R3HDM2: variants seen among roughly 807,000 people sequenced by gnomAD.
The protein encoded by R3HDM2 is R3H domain containing 2.
Under a neutral mutation model 124.5 loss-of-function variants are expected in R3HDM2, and 38 were observed. The observed-to-expected ratio is 0.31, with a 90% CI of 0.24 to 0.40. R3HDM2 has a LOEUF of 0.40. Among genes scored for constraint, R3HDM2 ranks in the 10% least tolerant of loss-of-function variants. The pLI, the probability that R3HDM2 is intolerant of heterozygous loss-of-function variation, is 1.00. For synonymous variants in R3HDM2, 391 were observed against 448.0 expected, an observed-to-expected ratio of 0.87 and a Z score of 1.61; for missense variants, 869 against 1,236.9, an observed-to-expected ratio of 0.70 and a Z score of 4.46.
chr12:57,317,981 GCC>G (rs371720792), intron 2 of R3HDM2, among the ~76,000 whole-genome samples: 51,694 of 127,300 alleles, frequency 0.41, 10,898 homozygotes, highest in Middle Eastern at 0.75. Flanking sequence ...CTCCGTCCCC[GCC>G]CCCCCAAAAA....
At chr12:57,353,519 G>A (rs535881335) in intron 2 of R3HDM2, among the ~76,000 whole-genome samples, 130 of 152,228 alleles carry the variant, frequency 8.5e-4, no homozygotes, top group African/African-American at 3.1e-3. Flanking sequence ...CCATTGAATA[G>A]ATAAAGCATA....
intron 19 of R3HDM2, among the ~76,000 whole-genome samples, chr12:57,265,016 C>T (rs909915467): frequency 1.3e-5 from 2 of 152,010 alleles, no homozygotes; most frequent in Non-Finnish European, 2.9e-5. Context: ...GCTGTACTTG[C>T]GTGTTAGGGG....
intron 21 of R3HDM2, among the ~76,000 whole-genome samples, chr12:57,257,256 T>C (rs1046892409): frequency 2.0e-5 from 3 of 152,216 alleles, no homozygotes; most frequent in African/African-American, 7.2e-5. Flanking sequence ...ATAGTGGCTC[T>C]GTTACTGGAA....
chr12:57,399,764 T>A lies in R3HDM2; in HGVS notation c.-105-3946A>T, dbSNP rs536921123. Among the ~76,000 whole-genome samples, 27 of 152,332 alleles carry A rather than the reference T, an allele frequency of 1.8e-4. No homozygotes were observed. The East Asian group carries it at 2.7e-3, about 15-fold the overall frequency. On this transcript the variant is annotated intron_variant, in intron 1 of 23. Coordinates refer to ENST00000402412, the MANE Select transcript of R3HDM2 (RefSeq NM_001394031.1). ...CATGCCACTTCTAATGGTGTCATTA[T>A]ACTAAAAGTGACCTTCCCCCCTGAA...
At chr12:57,355,587 T>C (rs535959295) in intron 2 of R3HDM2, among the ~76,000 whole-genome samples, 9 of 152,180 alleles carry the variant, frequency 5.9e-5, no homozygotes, top group Non-Finnish European at 1.2e-4. Context: ...ACCATTTTAA[T>C]TAATGAACTT....
intron 1 of R3HDM2, 190 bp downstream of exon 1, chr12:57,430,530 C>T (rs1260269260): frequency 1.0e-6 from 1 of 983,174 alleles, no homozygotes; most frequent in African/African-American, 1.8e-5. Flanking sequence ...CCCAGCTTCT[C>T]TCCAGCAGCG....
At chr12:57,337,022 G>C (rs564984668) in intron 2 of R3HDM2, among the ~76,000 whole-genome samples, 1 of 152,222 alleles carries the variant, frequency 6.6e-6, no homozygotes, top group South Asian at 2.1e-4. Flanking sequence ...AGTTCCAAGG[G>C]ACCCACACAG....
intron 2 of R3HDM2, among the ~76,000 whole-genome samples, chr12:57,371,429 A>G (rs1214278406): frequency 6.6e-6 from 1 of 152,196 alleles, no homozygotes; most frequent in Non-Finnish European, 1.5e-5. Flanking sequence ...ATCATTCAAG[A>G]TAACTGCCTT....
At chr12:57,302,332 C>T (rs535872851) in intron 4 of R3HDM2, among the ~76,000 whole-genome samples, 1 of 151,966 alleles carries the variant, frequency 6.6e-6, no homozygotes, top group African/African-American at 2.4e-5. Context: ...GCCTGTAATC[C>T]TAGCACTTTG....
chr12:57,369,368 G>A (rs1353470883), intron 2 of R3HDM2, among the ~76,000 whole-genome samples: 1 of 152,190 alleles, frequency 6.6e-6, no homozygotes, highest in Non-Finnish European at 1.5e-5. Flanking sequence ...GTAAACTGAT[G>A]CGAACTCAAT....
At chr12:57,363,271 T>C (rs1334255046) in intron 2 of R3HDM2, among the ~76,000 whole-genome samples, 1 of 152,136 alleles carries the variant, frequency 6.6e-6, no homozygotes, top group Non-Finnish European at 1.5e-5. Flanking sequence ...CTTTTTATTG[T>C]GACATAATTC....
chr12:57,277,793 G>A (rs1286884488), intron 14 of R3HDM2, among the ~76,000 whole-genome samples: 1 of 152,208 alleles, frequency 6.6e-6, no homozygotes, highest in Non-Finnish European at 1.5e-5. Context: ...AAGCACAGTG[G>A]TGTTTGTGTG....
intron 9 of R3HDM2, 52 bp from the exon 10 acceptor site, chr12:57,295,559 T>C: frequency 1.5e-6 from 2 of 1,314,608 alleles, no homozygotes; most frequent in South Asian, 2.5e-5. Context: ...ACCGTTTTGT[T>C]AGGAAGCAGA....
Position 57,283,838 on chromosome 12 carries a change from C to G in R3HDM2, c.1157G>C (p.Arg386Thr). ...IGSSKGGSAGRISRPGMALGA... is the reference protein window; with the variant it reads ...IGSSKGGSAGTISRPGMALGA... ...AGCTGTAATACCTGGCCTGGAGATC[C>G]TTCCCGCACTGCCGCCTTTACTGCT... The change falls in exon 13 of 24, where the codon AGG becomes ACG. Residue 386 changes from arginine to threonine, a missense_variant. Around this residue, in one of 2 missense-constraint regions of R3HDM2, gnomAD observed 602 missense variants for 789.2 expected, o/e 0.76. Coordinates refer to ENST00000402412, the MANE Select transcript of R3HDM2 (RefSeq NM_001394031.1). The G allele has an allele frequency of 6.2e-7, 1 of 1,614,174 alleles. No individual in the cohort carries two copies. The highest frequency in any genetic ancestry group is 8.5e-7 in the Non-Finnish European group (1 of 1,180,018).
intron 2 of R3HDM2, among the ~76,000 whole-genome samples, chr12:57,361,209 C>T (rs1251094953): frequency 6.6e-6 from 1 of 150,614 alleles, no homozygotes; most frequent in Non-Finnish European, 1.5e-5. Context: ...AACCCCATCT[C>T]TACTAAAAAT....
In R3HDM2 at chr12:57,426,236, A is replaced by T. The variant is rs12322514; in HGVS notation, c.-106+4484T>A. On this transcript the variant is annotated intron_variant, in intron 1 of 23. Coordinates refer to ENST00000402412, the MANE Select transcript of R3HDM2 (RefSeq NM_001394031.1). The stretch of plus-strand genomic sequence containing the variant: ...GAGCGAGACTCCATCTCAAAAAAAT[A>T]AATTAATTAATTAATTAAGGAAAGA... Among the ~76,000 whole-genome samples, 1,266 of 152,212 alleles carry T rather than the reference A, an allele frequency of 8.3e-3. 16 individuals are homozygous for T. The highest frequency in any genetic ancestry group is 0.028 in the African/African-American group (1,172 of 41,518).
At chr12:57,347,317 A>G (rs929190558) in intron 2 of R3HDM2, among the ~76,000 whole-genome samples, 1 of 152,188 alleles carries the variant, frequency 6.6e-6, no homozygotes, top group Non-Finnish European at 1.5e-5. Flanking sequence ...GTGTGTGTAT[A>G]TATGTGTGTA....
At chr12:57,319,977 A>AT (rs1262431414) in intron 2 of R3HDM2, among the ~76,000 whole-genome samples, 1 of 152,134 alleles carries the variant, frequency 6.6e-6, no homozygotes, top group Non-Finnish European at 1.5e-5. Flanking sequence ...AACTAAAAAA[A>AT]GCCTTAGGCT....
At chr12:57,319,856 G>A (rs1046182079) in intron 2 of R3HDM2, among the ~76,000 whole-genome samples, 1 of 152,058 alleles carries the variant, frequency 6.6e-6, no homozygotes, top group Non-Finnish European at 1.5e-5. Context: ...CTTTAATTAA[G>A]GTCATTTCCA....
Sources: gnomAD v4.1 joint callset for allele counts (sites outside exome capture counted in the v4.1 genomes callset) on GRCh38, gnomAD v4.1.1 for gene constraint, gnomAD v4.1.1 regional missense constraint, MANE v1.5 for transcripts, NCBI Gene and HGNC (gene_info 2026-07-23, HGNC 2026-07-21) for gene names.